LINGO1: variants seen among roughly 807,000 people sequenced by gnomAD.
LINGO1 encodes the protein leucine-rich repeat and immunoglobulin-like domain-containing nogo receptor-interacting protein 1.
LINGO1 carries 11 observed loss-of-function variants against 37.3 expected under a neutral mutation model. That is an observed-to-expected ratio of 0.29 (90% CI 0.19 to 0.49). The LOEUF is 0.49. LINGO1 is among the 20% of genes least tolerant of loss of function. The pLI, the probability that LINGO1 is intolerant of heterozygous loss-of-function variation, is 0.99. For synonymous variants in LINGO1, 387 were observed against 403.0 expected, an observed-to-expected ratio of 0.96 and a Z score of 0.48; for missense variants, 585 against 878.2, an observed-to-expected ratio of 0.67 and a Z score of 4.22.
chr15:77,650,004 C>G (rs1340835969), intron 3 of LINGO1, among the ~76,000 whole-genome samples: 2 of 152,256 alleles, frequency 1.3e-5, no homozygotes, highest in East Asian at 3.8e-4. Flanking sequence ...AAATCCCAAG[C>G]CTCAGTGTTC....
chr15:77,793,324 C>G (rs2076832673), intron 2 of LINGO1, among the ~76,000 whole-genome samples: 1 of 152,224 alleles, frequency 6.6e-6, no homozygotes, highest in East Asian at 1.9e-4. Flanking sequence ...GCCTCTTCCC[C>G]TCTAATCACT....
At chr15:77,758,583 G>C (rs1249199280) in intron 1 of LINGO1, among the ~76,000 whole-genome samples, 1 of 152,154 alleles carries the variant, frequency 6.6e-6, no homozygotes, top group African/African-American at 2.4e-5. Flanking sequence ...TGGGCCAGGA[G>C]GACAGCCAAG....
At chr15:77,817,019 T>G (rs1001366001) in intron 1 of LINGO1, among the ~76,000 whole-genome samples, 1 of 146,840 alleles carries the variant, frequency 6.8e-6, no homozygotes, top group Non-Finnish European at 1.5e-5. Flanking sequence ...AGAAAGGCCA[T>G]GATCAGCCAG....
In LINGO1 at chr15:77,615,832, G is replaced by T; in HGVS notation, c.75C>A (p.Pro25=). 1.3e-6 allele frequency: 2 copies of T among 1,518,998 alleles called. No homozygotes were observed. The highest frequency in any genetic ancestry group is 1.3e-5 in the South Asian group (1 of 78,820). The allele number at this position is 1,518,998 out of a possible 1,614,324, so 94.1% of individuals were successfully genotyped here. A position where few individuals can be genotyped will look rare whatever the true frequency, so the allele number is the denominator to read the frequency against. ...MPSPLLACWQ[P]ILLLVLGSVL... The stretch of plus-strand genomic sequence containing the variant: ...CTGAGCCCAGCACCAGCAGGAGGAT[G>T]GGCTGCCAGCAGGCCAGGAGGGGGC... Residue 25 remains proline (P), a synonymous_variant, in exon 2 of 2, where the codon CCC becomes CCA. Coordinates refer to ENST00000355300, the MANE Select transcript of LINGO1 (RefSeq NM_032808.7).
upstream of LINGO1, among the ~76,000 whole-genome samples, chr15:77,699,687 C>G: frequency 6.6e-6 from 1 of 152,268 alleles, no homozygotes; most frequent in Non-Finnish European, 1.5e-5. Context: ...CATCTGCACA[C>G]AGTAAGCACA....
At chr15:77,775,106 G>A (rs2076624209) in intron 1 of LINGO1, among the ~76,000 whole-genome samples, 1 of 152,170 alleles carries the variant, frequency 6.6e-6, no homozygotes. Context: ...CAGGGAACTG[G>A]GGATGGCAGC....
chr15:77,678,452 C>T (rs1055409820), intron 2 of LINGO1, among the ~76,000 whole-genome samples: 2 of 152,204 alleles, frequency 1.3e-5, no homozygotes, highest in Admixed American at 1.3e-4. Context: ...AGTCTGGTTT[C>T]GTTCACCCAG....
intron 1 of LINGO1, among the ~76,000 whole-genome samples, chr15:77,801,222 G>A (rs903464247): frequency 1.3e-5 from 2 of 152,190 alleles, no homozygotes. Flanking sequence ...GGATGCTCAC[G>A]GAAACATTGC....
chr15:77,753,086 T>C (rs2076387244), intron 1 of LINGO1, among the ~76,000 whole-genome samples: 1 of 152,202 alleles, frequency 6.6e-6, no homozygotes, highest in Admixed American at 6.5e-5. Flanking sequence ...TTTCTCGCCG[T>C]TGTCATGGCT....
At chr15:77,641,543 A>G (rs1389431382) in intron 3 of LINGO1, among the ~76,000 whole-genome samples, 1 of 152,206 alleles carries the variant, frequency 6.6e-6, no homozygotes, top group African/African-American at 2.4e-5. Flanking sequence ...TCGCACCCAT[A>G]AACAGCTTGT....
chr15:77,740,536 C>A (rs766184509), intron 1 of LINGO1, among the ~76,000 whole-genome samples: 1 of 152,168 alleles, frequency 6.6e-6, no homozygotes, highest in East Asian at 1.9e-4. Context: ...CACCTGCCCA[C>A]ACAGGTCACG....
intron 2 of LINGO1, among the ~76,000 whole-genome samples, chr15:77,794,354 ATATATG>A (rs2076845322): frequency 9.7e-6 from 1 of 103,112 alleles, no homozygotes; most frequent in African/African-American, 3.7e-5. Flanking sequence ...ATATATACGT[ATATATG>A]TGTATATACA....
At chr15:77,622,438 TCCCGG>T (rs2073952194) in intron 1 of LINGO1, among the ~76,000 whole-genome samples, 1 of 152,068 alleles carries the variant, frequency 6.6e-6, no homozygotes, top group Non-Finnish European at 1.5e-5. Context: ...CACAGCCCCG[TCCCGG>T]CCACTCCACC....
intron 2 of LINGO1, among the ~76,000 whole-genome samples, chr15:77,703,467 T>C (rs2075810540): frequency 6.6e-6 from 1 of 152,098 alleles, no homozygotes; most frequent in Non-Finnish European, 1.5e-5. Flanking sequence ...CTAACACACT[T>C]TGTGTCTTGG....
chr15:77,781,947 G>A (rs557976495), intron 1 of LINGO1, among the ~76,000 whole-genome samples: 54 of 152,336 alleles, frequency 3.5e-4, no homozygotes, highest in Admixed American at 3.3e-4. Flanking sequence ...GGCCCCGCAT[G>A]GGAAGGCAGA....
At chr15:77,711,532 A>G (rs779870266) in intron 2 of LINGO1, among the ~76,000 whole-genome samples, 1 of 152,230 alleles carries the variant, frequency 6.6e-6, no homozygotes, top group Non-Finnish European at 1.5e-5. Context: ...GCCCTGGGGC[A>G]AAGACAGGGA....
At chr15:77,805,616 G>C (rs1596247965) in intron 1 of LINGO1, among the ~76,000 whole-genome samples, 1 of 152,164 alleles carries the variant, frequency 6.6e-6, no homozygotes, top group Non-Finnish European at 1.5e-5. Context: ...GCAAAACTGT[G>C]TGGAAGTGCC....
intron 2 of LINGO1, among the ~76,000 whole-genome samples, chr15:77,685,194 C>T (rs956744149): frequency 2.0e-5 from 3 of 152,074 alleles, no homozygotes; most frequent in South Asian, 2.1e-4. Context: ...TGGAGAAACA[C>T]GGAGGAGGAG....
intron 1 of LINGO1, among the ~76,000 whole-genome samples, chr15:77,616,376 G>A (rs2073721183): frequency 6.6e-6 from 1 of 152,186 alleles, no homozygotes; most frequent in Admixed American, 6.5e-5. Flanking sequence ...GAGCAACCAG[G>A]AGTGTGGCTA....
Sources: gnomAD v4.1 joint callset for allele counts (sites outside exome capture counted in the v4.1 genomes callset) on GRCh38, gnomAD v4.1.1 for gene constraint, MANE v1.5 for transcripts, NCBI Gene and HGNC (gene_info 2026-07-23, HGNC 2026-07-21) for gene names.